Variants in ODF4 observed in about 807,000 individuals in gnomAD.
ODF4 encodes outer dense fiber of sperm tails 4.
In ODF4, 11 loss-of-function variants were observed where a neutral mutation model predicts 17.0. The observed-to-expected ratio is 0.65, with a 90% CI of 0.41 to 1.07. ODF4 has a LOEUF of 1.07. ODF4 is among the 50% of genes least tolerant of loss of function. The probability of loss-of-function intolerance (pLI) is 0.00; values close to 1 mark genes in which losing one functional copy is unlikely to be tolerated. For missense variants in ODF4, 281 were observed against 310.2 expected (o/e 0.91, Z 0.71); for synonymous variants, 127 against 121.8 (o/e 1.04, Z -0.28).
In ODF4 at chr17:8,343,134, A is replaced by ATT. The variant is rs67338704; in HGVS notation, c.455-2195_455-2194dup. Among the ~76,000 whole-genome samples, 576 of 141,316 alleles carry ATT rather than the reference A, an allele frequency of 4.1e-3. 3 individuals carry two copies. The highest frequency in any genetic ancestry group is 0.012 in the African/African-American group (470 of 37,860). 92.7% of individuals were successfully genotyped at this position (141,316 alleles called of 152,430 possible). A position where few individuals can be genotyped will look rare whatever the true frequency, so the allele number is the denominator to read the frequency against. ...TTCTAAATCAAGGAGCTTATTGGAC[A>ATT]TTTTTTTTTTTTTTTGAGATGGAGT... On this transcript the variant is annotated intron_variant, in intron 1 of 2. Coordinates refer to ENST00000328248, the MANE Select transcript of ODF4 (RefSeq NM_153007.5).
rs768085909 is a variant in ODF4, at chr17:8,340,155, G to A, written c.104G>A (p.Gly35Asp). ...AGGAAGAGTGGGGAGGCAGGATGGGGCACAGGTGAGCTGGGACAAGATGGG... is the reference window on the plus strand; with the variant it reads ...AGGAAGAGTGGGGAGGCAGGATGGGACACAGGTGAGCTGGGACAAGATGGG... ...KERKSGEAGW[G>D]TGELGQDGRL... Residue 35 changes from glycine to aspartate, a missense_variant, in exon 1 of 3, where the codon GGC (glycine) becomes GAC (aspartate). Transcript: ENST00000328248. The A allele has an allele frequency of 6.3e-6, 10 of 1,588,438 alleles. No homozygotes were observed. In the South Asian group the frequency reaches 1.2e-4, roughly 18 times the overall value.
chr17:8,340,513 C>T lies in ODF4; in HGVS notation c.454+8C>T, dbSNP rs775349310. 4 of 1,564,542 alleles carry T rather than the reference C, an allele frequency of 2.6e-6. No individual in the cohort carries two copies. In the African/African-American group the frequency reaches 5.4e-5, roughly 21 times the overall value. ...ACTTAGAGAATGGGAAAGGTGAGCC[C>T]CTCCACCCCCCATCCCAGCCCAGGC... On this transcript the variant is annotated splice_region_variant and intron_variant, in intron 1 of 2. Transcript: ENST00000328248.
Position 8,340,393 on chromosome 17 carries a change from GC to G in ODF4, c.343del (p.Arg115AlafsTer33), listed in dbSNP as rs759436518. ...LDLSRSLFYQ[R>X]WPVDVSNRIH... Reference sequence around the variant, plus strand: ...ACCTCTCTAGGAGCCTCTTCTACCAGCGCTGGCCCGTGGATGTCAGCAACAG... The same window carrying G: ...ACCTCTCTAGGAGCCTCTTCTACCAGGCTGGCCCGTGGATGTCAGCAACAG... On this transcript the variant is annotated frameshift_variant, in exon 1 of 3. Coordinates refer to ENST00000328248, the MANE Select transcript of ODF4 (RefSeq NM_153007.5). LOFTEE classifies it high-confidence loss of function. The G allele has an allele frequency of 1.2e-5, 19 of 1,613,660 alleles. No individual in the cohort carries two copies. The African/African-American group carries it at 2.3e-4, about 19-fold the overall frequency.
At chr17:8,343,856 A>C (rs1906125646) in intron 1 of ODF4, among the ~76,000 whole-genome samples, 1 of 116,494 alleles carries the variant, frequency 8.6e-6, no homozygotes, top group African/African-American at 3.7e-5. Context: ...GTGTCTATAT[A>C]TATATAGACT....
chr17:8,345,938 C>T lies in ODF4; in HGVS notation c.*86C>T. 1 of 1,086,756 alleles carries T rather than the reference C, an allele frequency of 9.2e-7. No individual in the cohort carries two copies. The highest frequency in any genetic ancestry group is 1.4e-5 in the South Asian group (1 of 70,210). The allele number at this position is 1,086,756 out of a possible 1,614,324, so 67.3% of individuals were successfully genotyped here. A position where few individuals can be genotyped will look rare whatever the true frequency, so the allele number is the denominator to read the frequency against. On this transcript the variant is annotated 3_prime_UTR_variant, in exon 3 of 3. Coordinates refer to ENST00000328248, the MANE Select transcript of ODF4 (RefSeq NM_153007.5). This position sits in a 1 kb window ranked among gnomAD's most constrained non-coding sequence, Gnocchi z 4.1. ...CCCCCAGCCCTTGAATAGGTTGGTC[C>T]TCATCATTGCAAGGAATGAGAAAGG...
chr17:8,341,892 C>CTTA (rs1226078777), intron 1 of ODF4, among the ~76,000 whole-genome samples: 1 of 151,854 alleles, frequency 6.6e-6, no homozygotes, highest in East Asian at 1.9e-4. Context: ...ATATTATGTC[C>CTTA]TTATTATAAT....
rs746799955 is a variant in ODF4, at chr17:8,344,405, C to T, written c.455-938C>T. On this transcript the variant is annotated intron_variant, in intron 1 of 2. Coordinates refer to ENST00000328248, the MANE Select transcript of ODF4 (RefSeq NM_153007.5). ...CAAACAATATCCATATCAAGGATCTCGGATTGTTTAAGAAGTGAAAGCAAT... is the reference window on the plus strand; with the variant it reads ...CAAACAATATCCATATCAAGGATCTTGGATTGTTTAAGAAGTGAAAGCAAT... Among the ~76,000 whole-genome samples, 19 of 128,366 alleles carry T rather than the reference C, an allele frequency of 1.5e-4. 5 individuals are homozygous for T. Among genetic ancestry groups the T allele is most frequent in the Non-Finnish European group, 2.3e-4 (14 of 59,832 alleles). 84.2% of individuals were successfully genotyped at this position (128,366 alleles called of 152,430 possible).
chr17:8,341,415 T>C (rs1906012420), intron 1 of ODF4, among the ~76,000 whole-genome samples: 1 of 152,188 alleles, frequency 6.6e-6, no homozygotes, highest in Non-Finnish European at 1.5e-5. Flanking sequence ...ATTTTCCTTT[T>C]TCCACATCTG....
intron 1 of ODF4, among the ~76,000 whole-genome samples, chr17:8,341,177 T>A: frequency 6.8e-6 from 1 of 146,772 alleles, no homozygotes; most frequent in African/African-American, 2.5e-5. Context: ...GCAACAAGAG[T>A]AAAACTCTGT....
rs1451524972 is a variant in ODF4, at chr17:8,340,486, T to C, written c.435T>C (p.Ser145=). 6.2e-7 allele frequency: 1 copy of C among 1,610,896 alleles called. No homozygotes were observed. Among genetic ancestry groups the C allele is most frequent in the African/African-American group, 1.3e-5 (1 of 74,954 alleles). ...LLHFYKSRSC[S]DLENGKVTFI... is the part of the protein sequence containing the mutation. ...ACTTTTACAAATCCAGGAGCTGTTC[T>C]GACTTAGAGAATGGGAAAGGTGAGC... Residue 145 remains serine, a synonymous_variant, in exon 1 of 3, where the codon TCT becomes TCC. Transcript: ENST00000328248.
rs144039089 is a variant in ODF4 at position 8,344,364 on chromosome 17, A to G, written c.455-979A>G. On this transcript the variant is annotated intron_variant, in intron 1 of 2. Transcript: ENST00000328248. ...TTTTTCTGTTGAGGTATTCATTTGCATGTGGTTGAGGTTATCAAACAATAT... is the reference window on the plus strand; with the variant it reads ...TTTTTCTGTTGAGGTATTCATTTGCGTGTGGTTGAGGTTATCAAACAATAT... Among the ~76,000 whole-genome samples the G allele has an allele frequency of 1.6e-5, 2 of 128,616 alleles. 1 individual carries two copies. Among genetic ancestry groups the G allele is most frequent in the Non-Finnish European group, 3.3e-5 (2 of 59,852 alleles). 84.4% of individuals were successfully genotyped at this position (128,616 alleles called of 152,430 possible). A position where few individuals can be genotyped will look rare whatever the true frequency, so the allele number is the denominator to read the frequency against.
chr17:8,341,248 T>A (rs1476000984), intron 1 of ODF4, among the ~76,000 whole-genome samples: 1 of 151,756 alleles, frequency 6.6e-6, no homozygotes, highest in African/African-American at 2.4e-5. Context: ...CATTCATTAA[T>A]CGCCTAATTT....
At position 8,345,749 on chromosome 17, in the gene ODF4, G is replaced by C. The variant is rs755847003; in HGVS notation, c.671G>C (p.Ser224Thr). ...AGTGGTGCCGTGTCCTGCAGCAGCA[G>C]TTTCGGCTCAGTAGAAGAATCTCCA... ...HPSGAVSCSS[S>T]FGSVEESPRA... The change falls in exon 3 of 3, where the codon AGT becomes ACT. Residue 224 changes from serine to threonine, a missense_variant. Coordinates refer to ENST00000328248, the MANE Select transcript of ODF4 (RefSeq NM_153007.5). This position sits in a 1 kb window ranked among gnomAD's most constrained non-coding sequence, Gnocchi z 4.1. 28 of 1,614,034 alleles carry C rather than the reference G, an allele frequency of 1.7e-5. No individual in the cohort carries two copies. The highest frequency in any genetic ancestry group is 5.0e-5 in the Admixed American group (3 of 60,002).
chr17:8,340,280 C>A lies in ODF4; in HGVS notation c.229C>A (p.Arg77Ser), dbSNP rs73250854. The A allele has an allele frequency of 6.2e-7, 1 of 1,613,772 alleles. No homozygotes were observed. The highest frequency in any genetic ancestry group is 1.7e-5 in the Admixed American group (1 of 59,952). The part of the protein sequence containing the change: ...PFQWRITHSF[R>S]WMAQVLASEL... The stretch of plus-strand genomic sequence containing the variant: ...TCAATGGAGAATCACACACAGCTTC[C>A]GCTGGATGGCCCAGGTGTTGGCCTC... The change falls in exon 1 of 3, where the codon CGC becomes AGC. Residue 77 changes from arginine to serine, a missense_variant. Arg to Ser is a moderately radical substitution (Grantham distance 110, BLOSUM62 -1). Coordinates refer to ENST00000328248, the MANE Select transcript of ODF4 (RefSeq NM_153007.5).
chr17:8,345,817 G>A lies in ODF4; in HGVS notation c.739G>A (p.Val247Ile). 6.2e-7 allele frequency: 1 copy of A among 1,614,058 alleles called. No homozygotes were observed. Among genetic ancestry groups the A allele is most frequent in the South Asian group, 1.1e-5 (1 of 91,076 alleles). The change falls in exon 3 of 3, where the codon GTC (valine) becomes ATC (isoleucine). Residue 247 changes from valine (V) to isoleucine (I), a missense_variant. Val to Ile is a conservative substitution (Grantham distance 29, BLOSUM62 3). Coordinates refer to ENST00000328248, the MANE Select transcript of ODF4 (RefSeq NM_153007.5). This position sits in a 1 kb window ranked among gnomAD's most constrained non-coding sequence, Gnocchi z 4.1. Reference protein sequence around the residue: ...ITDTPITQEGVLDPEQKDTHV With the variant: ...ITDTPITQEGILDPEQKDTHV ...AGACACCCCCATCACCCAGGAGGGA[G>A]TCCTGGATCCTGAGCAGAAGGATAC... is the stretch of plus-strand genomic sequence containing the variant.
chr17:8,341,005 A>T (rs1567687558), intron 1 of ODF4, among the ~76,000 whole-genome samples: 1 of 152,130 alleles, frequency 6.6e-6, no homozygotes, highest in African/African-American at 2.4e-5. Context: ...CCTGGCTAAC[A>T]TAGTGAAACC....
At chr17:8,341,552 T>C (rs1906016736) in intron 1 of ODF4, among the ~76,000 whole-genome samples, 1 of 152,148 alleles carries the variant, frequency 6.6e-6, no homozygotes. Flanking sequence ...TGGAGTACAG[T>C]GGTGCAATCA....
chr17:8,345,592 C>T lies in ODF4; in HGVS notation c.590-76C>T. The T allele has an allele frequency of 6.5e-7, 1 of 1,527,012 alleles. No individual in the cohort carries two copies. 94.6% of individuals were successfully genotyped at this position (1,527,012 alleles called of 1,614,324 possible). On this transcript the variant is annotated intron_variant, in intron 2 of 2. Coordinates refer to ENST00000328248, the MANE Select transcript of ODF4 (RefSeq NM_153007.5). The surrounding 1 kb of genome is among the most constrained non-coding windows in gnomAD (Gnocchi z 4.1). ...GGCTAGATTTTTAGGGTCTTATCTTCCCTTTGGTCTCACCCTACTTGTCAC... is the reference window on the plus strand; with the variant it reads ...GGCTAGATTTTTAGGGTCTTATCTTTCCTTTGGTCTCACCCTACTTGTCAC...
chr17:8,341,145 G>A (rs951284049), intron 1 of ODF4, among the ~76,000 whole-genome samples: 5 of 150,862 alleles, frequency 3.3e-5, no homozygotes, highest in Admixed American at 6.6e-5. Context: ...AGCCGAGACC[G>A]CACCATTGCA....
Sources: allele counts gnomAD v4.1 joint callset (sites outside exome capture counted in the v4.1 genomes callset), GRCh38; gene constraint gnomAD v4.1.1; non-coding constraint Gnocchi (gnomAD v3.1); transcripts MANE v1.5; gene names NCBI Gene and HGNC (gene_info 2026-07-23, HGNC 2026-07-21).